The following ATP6V1C2 variants were observed in gnomAD, a reference collection of about 807,000 sequenced individuals.
ATP6V1C2 encodes ATPase H+ transporting V1 subunit C2, also known as V-type proton ATPase subunit C 2.
A neutral mutation model predicts 56.8 loss-of-function variants in ATP6V1C2; 45 were observed. The observed-to-expected ratio is 0.79, with a 90% CI of 0.62 to 1.02. The LOEUF is 1.02. Ranked by LOEUF, ATP6V1C2 falls within the 50% of genes least tolerant of loss-of-function variation. ATP6V1C2 has a pLI of 0.00. For missense variants in ATP6V1C2, 463 were observed against 519.7 expected (o/e 0.89, Z 1.06); for synonymous variants, 220 against 201.3 (o/e 1.09, Z -0.79).
chr2:10,774,998 A>G lies in ATP6V1C2; in HGVS notation c.752A>G (p.Tyr251Cys), dbSNP rs754670755. Reference sequence around the variant, plus strand: ...TTAAGGTTCACTGTTCGTGAATTTTACTATGATGAGAAGGAAATTGAAAGG... The same window carrying G: ...TTAAGGTTCACTGTTCGTGAATTTTGCTATGATGAGAAGGAAATTGAAAGG... ...KENKFTVREF[Y>C]YDEKEIERER... is the part of the protein sequence containing the mutation. Residue 251 changes from tyrosine (Y) to cysteine (C), a missense_variant, in exon 10 of 14, where the codon TAC becomes TGC. Coordinates refer to ENST00000272238, the MANE Select transcript of ATP6V1C2 (RefSeq NM_001039362.2). 8 of 1,614,152 alleles carry G rather than the reference A, an allele frequency of 5.0e-6. No individual in the cohort carries two copies. The South Asian group carries it at 7.7e-5, about 16-fold the overall frequency.
Position 10,735,229 on chromosome 2 carries a change from G to C in ATP6V1C2, c.197+8660G>C, listed in dbSNP as rs550785561. Among the ~76,000 whole-genome samples, 3 of 152,234 alleles carry C rather than the reference G, an allele frequency of 2.0e-5. No individual in the cohort carries two copies. The East Asian group carries it at 5.8e-4, about 29-fold the overall frequency. On this transcript the variant is annotated intron_variant, in intron 3 of 13. Transcript: ENST00000272238. ...CTGTCACCCAGGCTGGAGTGCAGTA[G>C]CATGATCTTGGCTGACTGCTACCTC...
chr2:10,746,139 A>C (rs1296430750), intron 3 of ATP6V1C2, among the ~76,000 whole-genome samples: 3 of 152,046 alleles, frequency 2.0e-5, no homozygotes, highest in Non-Finnish European at 2.9e-5. Flanking sequence ...AGCTGGAACT[A>C]CAGGTGTGTG....
At chr2:10,781,253 G>A (rs915503148) in intron 12 of ATP6V1C2, among the ~76,000 whole-genome samples, 2 of 152,148 alleles carry the variant, frequency 1.3e-5, no homozygotes, top group African/African-American at 4.8e-5. Context: ...GGGGAGGAGC[G>A]CCTTAAGCTT....
At chr2:10,732,443 A>G (rs999625331) in intron 3 of ATP6V1C2, among the ~76,000 whole-genome samples, 1 of 151,880 alleles carries the variant, frequency 6.6e-6, no homozygotes, top group African/African-American at 2.4e-5. Context: ...TTTTTTTAGT[A>G]GAGACGGGGT....
Position 10,763,112 on chromosome 2 carries a change from G to A in ATP6V1C2, c.284-1219G>A, listed in dbSNP as rs184909256. Among the ~76,000 whole-genome samples, 1 of 152,232 alleles carries A rather than the reference G, an allele frequency of 6.6e-6. No homozygotes were observed. Among genetic ancestry groups the A allele is most frequent in the Admixed American group, 6.5e-5 (1 of 15,300 alleles). ...GTGTTGTTTTGGCACGTGGTGAAGT[G>A]CAGACATGACCCTTGGTGACCGATC... On this transcript the variant is annotated intron_variant, in intron 4 of 13. Transcript: ENST00000272238. The surrounding 1 kb of genome is among the most constrained non-coding windows in gnomAD (Gnocchi z 4.2).
Position 10,780,931 on chromosome 2 carries a change from GACGGGGTTTCACC to G in ATP6V1C2, c.1062-1308_1062-1296del, listed in dbSNP as rs1428507045. 2.6e-5 allele frequency among the ~76,000 whole-genome samples: 4 copies of G among 152,062 alleles called. No homozygotes were observed. The highest frequency in any genetic ancestry group is 4.4e-5 in the Non-Finnish European group (3 of 68,022). On this transcript the variant is annotated intron_variant, in intron 12 of 13. Transcript: ENST00000272238. The surrounding 1 kb of genome is among the most constrained non-coding windows in gnomAD (Gnocchi z 4.1). ...AGCTAATTTTTGTAATTTTAGTAGC[GACGGGGTTTCACC>G]ACGTTGGCCAGGCTGGTCTTGAACT...
intron 3 of ATP6V1C2, among the ~76,000 whole-genome samples, chr2:10,740,723 G>T (rs1239063328): frequency 6.6e-6 from 1 of 152,170 alleles, no homozygotes; most frequent in Non-Finnish European, 1.5e-5. Flanking sequence ...TCTCACTCTT[G>T]TCGCCCAGGC....
upstream of ATP6V1C2, chr2:10,721,616 G>A (rs1220178976): frequency 2.0e-5 from 3 of 151,694 alleles, no homozygotes; most frequent in Non-Finnish European, 4.4e-5. Flanking sequence ...AGGCGGGGCG[G>A]GGCGCGGGGC....
chr2:10,724,967 A>T (rs1166484071), intron 2 of ATP6V1C2, among the ~76,000 whole-genome samples: 1 of 149,472 alleles, frequency 6.7e-6, no homozygotes, highest in Non-Finnish European at 1.5e-5. Context: ...ATTTTTCTTA[A>T]TTTTTTTTTT....
Position 10,782,372 on chromosome 2 carries a change from G to A in ATP6V1C2, c.1191G>A (p.Leu397=). ...ATGAAGTAGCCGCTACAAGTATACT[G>A]GATGTAGGTATCCAGAAACAGCAGT... The part of the protein sequence containing the change: ...HLDEVAATSI[L]DASVEIPGLQ... Residue 397 remains leucine, a synonymous_variant, in exon 13 of 14, where the codon CTG becomes CTA. Coordinates refer to ENST00000272238, the MANE Select transcript of ATP6V1C2 (RefSeq NM_001039362.2). 6.2e-7 allele frequency: 1 copy of A among 1,613,920 alleles called. No individual in the cohort carries two copies. Among genetic ancestry groups the A allele is most frequent in the Non-Finnish European group, 8.5e-7 (1 of 1,179,954 alleles).
intron 7 of ATP6V1C2, among the ~76,000 whole-genome samples, chr2:10,772,166 T>A (rs1664656511): frequency 6.6e-6 from 1 of 152,216 alleles, no homozygotes; most frequent in African/African-American, 2.4e-5. Context: ...ACTTGCTATA[T>A]ACCCAATGTG....
chr2:10,728,450 C>T (rs1661764965), intron 3 of ATP6V1C2, among the ~76,000 whole-genome samples: 1 of 152,082 alleles, frequency 6.6e-6, no homozygotes, highest in African/African-American at 2.4e-5. Flanking sequence ...AATAACGTAT[C>T]TTAGAGGTAG....
intron 4 of ATP6V1C2, among the ~76,000 whole-genome samples, chr2:10,754,988 C>T (rs965816610): frequency 6.6e-6 from 1 of 151,900 alleles, no homozygotes; most frequent in Non-Finnish European, 1.5e-5. Flanking sequence ...CCACCTCAGC[C>T]TCTCGCTCAC....
intron 4 of ATP6V1C2, among the ~76,000 whole-genome samples, chr2:10,760,030 GTT>G (rs34096158): frequency 1.5e-5 from 2 of 133,830 alleles, no homozygotes; most frequent in Non-Finnish European, 1.6e-5. Context: ...TTTGTTTTTT[GTT>G]TTTTTTTTTT....
In ATP6V1C2 at chr2:10,785,006, G is replaced by A. The variant is rs781390176; in HGVS notation, c.*1743G>A. ...AAGCCCCGCCTCCTACAGGTGCCGT[G>A]GAGCCACGCCCAAAAGAGAGCTCCC... On this transcript the variant is annotated 3_prime_UTR_variant, in exon 14 of 14. Coordinates refer to ENST00000272238, the MANE Select transcript of ATP6V1C2 (RefSeq NM_001039362.2). 1.0e-5 allele frequency: 16 copies of A among 1,582,902 alleles called. No individual in the cohort carries two copies. The South Asian group carries it at 1.8e-4, about 18-fold the overall frequency.
intron 3 of ATP6V1C2, among the ~76,000 whole-genome samples, chr2:10,727,260 G>A (rs1258581707): frequency 6.6e-6 from 1 of 151,882 alleles, no homozygotes; most frequent in Non-Finnish European, 1.5e-5. Flanking sequence ...AGCAGAGACA[G>A]GGTTTCACCA....
At chr2:10,731,006 C>T (rs1222437261) in intron 3 of ATP6V1C2, among the ~76,000 whole-genome samples, 2 of 151,648 alleles carry the variant, frequency 1.3e-5, no homozygotes, top group East Asian at 1.9e-4. Context: ...GCCTGGAGTG[C>T]AGTAGCACCA....
chr2:10,774,812 G>A lies in ATP6V1C2; in HGVS notation c.663G>A (p.Gly221=). The change falls in exon 9 of 14, where the codon GGG becomes GGA. Residue 221 remains glycine (G), a synonymous_variant. Coordinates refer to ENST00000272238, the MANE Select transcript of ATP6V1C2 (RefSeq NM_001039362.2). ...STKLITEDKE[G]GLFTVTLFRK... is the part of the protein sequence containing the mutation. ...GACTCATTACTGAGGACAAGGAAGGGGGCCTTTTCACTGTGACTCTGTTTC... is the reference window on the plus strand; with the variant it reads ...GACTCATTACTGAGGACAAGGAAGGAGGCCTTTTCACTGTGACTCTGTTTC... 1 of 1,614,162 alleles carries A rather than the reference G, an allele frequency of 6.2e-7. No individual in the cohort carries two copies. Among genetic ancestry groups the A allele is most frequent in the South Asian group, 1.1e-5 (1 of 91,084 alleles).
At chr2:10,764,293 G>A (rs775930912) in intron 4 of ATP6V1C2, 38 bp from the exon 5 acceptor site, 27 of 1,515,166 alleles carry the variant, frequency 1.8e-5, no homozygotes, top group African/African-American at 8.2e-5. Context: ...GATGCAGAGC[G>A]CAGGCTCATG....
Sources: gnomAD v4.1 joint callset for allele counts (sites outside exome capture counted in the v4.1 genomes callset) on GRCh38, gnomAD v4.1.1 for gene constraint, Gnocchi (gnomAD v3.1) non-coding constraint, MANE v1.5 for transcripts, NCBI Gene and HGNC (gene_info 2026-07-23, HGNC 2026-07-21) for gene names.